Variants in NKAIN2 observed in about 807,000 individuals in gnomAD.
NKAIN2 encodes the protein sodium/potassium-transporting ATPase subunit beta-1-interacting protein 2.
NKAIN2 carries 14 observed loss-of-function variants against 32.6 expected under a neutral mutation model. That is an observed-to-expected ratio of 0.43 (90% CI 0.28 to 0.67). The LOEUF is 0.67. Ranked by LOEUF, NKAIN2 falls within the 30% of genes least tolerant of loss-of-function variation. The probability of loss-of-function intolerance (pLI) is 0.17; values close to 1 mark genes in which losing one functional copy is unlikely to be tolerated. For missense variants in NKAIN2, 198 were observed against 258.3 expected (o/e 0.77, Z 1.60); for synonymous variants, 80 against 87.2 (o/e 0.92, Z 0.46).
In NKAIN2 at chr6:124,301,671, C is replaced by G. The variant is rs903894868; in HGVS notation, c.192+18529C>G. On this transcript the variant is annotated intron_variant, in intron 2 of 6. Transcript: ENST00000368417. ...ATGACCTGGATGTGAGATATGGAGTCAAAGGAAATCATTTTGGAGCTTTCA... is the reference window on the plus strand; with the variant it reads ...ATGACCTGGATGTGAGATATGGAGTGAAAGGAAATCATTTTGGAGCTTTCA... Among the ~76,000 whole-genome samples the G allele has an allele frequency of 2.0e-5, 3 of 152,208 alleles. 1 individual carries two copies. The highest frequency in any genetic ancestry group is 7.2e-5 in the African/African-American group (3 of 41,466).
At chr6:123,974,422 A>G (rs1778465601) in intron 1 of NKAIN2, among the ~76,000 whole-genome samples, 2 of 152,164 alleles carry the variant, frequency 1.3e-5, no homozygotes, top group Non-Finnish European at 2.9e-5. Context: ...TGATTGTATC[A>G]GTTAAAATAA....
intron 4 of NKAIN2, among the ~76,000 whole-genome samples, chr6:124,760,756 T>G (rs1476765336): frequency 6.6e-6 from 1 of 152,156 alleles, no homozygotes; most frequent in Non-Finnish European, 1.5e-5. Flanking sequence ...TTTGAGGCTG[T>G]CTGTCCACAT....
At chr6:124,408,512 T>C (rs552505325) in intron 3 of NKAIN2, among the ~76,000 whole-genome samples, 177 of 152,292 alleles carry the variant, frequency 1.2e-3, no homozygotes, top group African/African-American at 3.5e-3. Context: ...GTTGTAGATA[T>C]GCGGCATTAT....
chr6:124,753,581 G>A (rs1294974240), intron 4 of NKAIN2, among the ~76,000 whole-genome samples: 1 of 152,010 alleles, frequency 6.6e-6, no homozygotes, highest in African/African-American at 2.4e-5. Flanking sequence ...TTTATATCAA[G>A]AGTCAAAATT....
intron 5 of NKAIN2, among the ~76,000 whole-genome samples, chr6:124,814,507 C>T (rs143483919): frequency 1.8e-4 from 28 of 152,218 alleles, no homozygotes; most frequent in Admixed American, 5.2e-4. Flanking sequence ...CAGCATGGTC[C>T]GAATAATCAG....
At chr6:124,004,753 C>T (rs908358987) in intron 1 of NKAIN2, among the ~76,000 whole-genome samples, 1 of 151,536 alleles carries the variant, frequency 6.6e-6, no homozygotes, top group Non-Finnish European at 1.5e-5. Flanking sequence ...GGAGAAATAC[C>T]TAAGGTAAAT....
intron 4 of NKAIN2, among the ~76,000 whole-genome samples, chr6:124,705,854 AACAG>A (rs1312387745): frequency 3.9e-5 from 6 of 152,212 alleles, no homozygotes; most frequent in South Asian, 2.1e-4. Flanking sequence ...GTTATTTTAA[AACAG>A]ACAGTCAAAG....
At chr6:124,563,077 T>G (rs534549144) in intron 3 of NKAIN2, among the ~76,000 whole-genome samples, 17 of 152,144 alleles carry the variant, frequency 1.1e-4, no homozygotes, top group African/African-American at 3.9e-4. Flanking sequence ...CTAATTTTTT[T>G]GTATTTTTAG....
intron 1 of NKAIN2, among the ~76,000 whole-genome samples, chr6:124,053,608 T>C (rs1247940749): frequency 6.6e-6 from 1 of 152,052 alleles, no homozygotes; most frequent in African/African-American, 2.4e-5. Flanking sequence ...GCTTAATCCT[T>C]TCTGTGTTTC....
chr6:124,643,897 T>C lies in NKAIN2; in HGVS notation c.274-14289T>C, dbSNP rs921576044. 1.4e-4 allele frequency among the ~76,000 whole-genome samples: 22 copies of C among 152,232 alleles called. 1 individual carries two copies. The highest frequency in any genetic ancestry group is 1.1e-3 in the Admixed American group (17 of 15,284). On this transcript the variant is annotated intron_variant, in intron 3 of 6. Transcript: ENST00000368417. ...ATCTAGCCCCCATTACTTACTATCATAACAGTTATATGCATGTGTGCTTTG... is the reference window on the plus strand; with the variant it reads ...ATCTAGCCCCCATTACTTACTATCACAACAGTTATATGCATGTGTGCTTTG...
intron 1 of NKAIN2, among the ~76,000 whole-genome samples, chr6:123,888,082 ATATC>A (rs546053010): frequency 9.5e-4 from 145 of 152,276 alleles, no homozygotes; most frequent in African/African-American, 3.4e-3. Flanking sequence ...ATAAATATAA[ATATC>A]TAGAGTAAAT....
chr6:124,513,784 T>C (rs1778804575), intron 3 of NKAIN2, among the ~76,000 whole-genome samples: 1 of 152,302 alleles, frequency 6.6e-6, no homozygotes, highest in South Asian at 2.1e-4. Flanking sequence ...GAGCTGATTA[T>C]AAAAATAGAT....
intron 1 of NKAIN2, among the ~76,000 whole-genome samples, chr6:124,086,167 C>T (rs1464161614): frequency 6.6e-6 from 1 of 151,960 alleles, no homozygotes; most frequent in Non-Finnish European, 1.5e-5. Context: ...TTCACATCTG[C>T]TCCAAGTGTT....
At position 124,209,827 on chromosome 6, in the gene NKAIN2, G is replaced by A. The variant is rs555429756; in HGVS notation, c.55-73178G>A. ...TATTTTTACCTATTGAATAGTTTGA[G>A]CTCCTTATATATTGTGGTTATTATT... On this transcript the variant is annotated intron_variant, in intron 1 of 6. Coordinates refer to ENST00000368417, the MANE Select transcript of NKAIN2 (RefSeq NM_001040214.3). Among the ~76,000 whole-genome samples the A allele has an allele frequency of 4.6e-5, 7 of 151,792 alleles. No individual in the cohort carries two copies. The East Asian group carries it at 1.2e-3, about 25-fold the overall frequency.
At chr6:123,909,764 A>C (rs1295472130) in intron 1 of NKAIN2, among the ~76,000 whole-genome samples, 1 of 152,192 alleles carries the variant, frequency 6.6e-6, no homozygotes, top group Non-Finnish European at 1.5e-5. Context: ...GAGTACAAAG[A>C]AATATGCATT....
chr6:124,604,126 C>A (rs991179708), intron 3 of NKAIN2, among the ~76,000 whole-genome samples: 1 of 151,970 alleles, frequency 6.6e-6, no homozygotes, highest in Non-Finnish European at 1.5e-5. Flanking sequence ...GCTCTCATAG[C>A]GGAGGATGAC....
chr6:124,511,975 T>G (rs1778732123), intron 3 of NKAIN2, among the ~76,000 whole-genome samples: 1 of 152,170 alleles, frequency 6.6e-6, no homozygotes, highest in South Asian at 2.1e-4. Flanking sequence ...TATTCATAAA[T>G]ATGAGAAAAA....
intron 1 of NKAIN2, among the ~76,000 whole-genome samples, chr6:123,960,219 A>C (rs918919107): frequency 6.6e-6 from 1 of 152,172 alleles, no homozygotes; most frequent in Non-Finnish European, 1.5e-5. Context: ...AATTAAAGAC[A>C]CGTGTAAGCT....
intron 1 of NKAIN2, among the ~76,000 whole-genome samples, chr6:123,840,768 A>G (rs2114934142): frequency 6.6e-6 from 1 of 152,226 alleles, no homozygotes; most frequent in African/African-American, 2.4e-5. Context: ...ACTACATTTC[A>G]TTATCCTGGG....
Sources: gnomAD v4.1 joint callset for allele counts (sites outside exome capture counted in the v4.1 genomes callset) on GRCh38, gnomAD v4.1.1 for gene constraint, MANE v1.5 for transcripts, NCBI Gene and HGNC (gene_info 2026-07-23, HGNC 2026-07-21) for gene names.